LRP12: variants seen among roughly 807,000 people sequenced by gnomAD.
LRP12 encodes the protein low-density lipoprotein receptor-related protein 12.
LRP12 carries 14 observed loss-of-function variants against 66.0 expected under a neutral mutation model. The observed-to-expected ratio is 0.21, with a 90% CI of 0.14 to 0.33. LRP12 has a LOEUF of 0.33. LRP12 is among the 10% of genes least tolerant of loss of function. The pLI is 1.00. For missense variants in LRP12, 889 were observed against 1,053.4 expected, an observed-to-expected ratio of 0.84 and a Z score of 2.16; for synonymous variants, 357 against 359.1, an observed-to-expected ratio of 0.99 and a Z score of 0.07.
chr8:104,517,442 T>C (rs1269535617), intron 2 of LRP12, among the ~76,000 whole-genome samples: 2 of 151,990 alleles, frequency 1.3e-5, no homozygotes, highest in South Asian at 4.2e-4. Context: ...CCAAATTCTA[T>C]AGACAGCAGT....
At chr8:104,583,774 A>T (rs1315838537) in intron 1 of LRP12, among the ~76,000 whole-genome samples, 1 of 152,232 alleles carries the variant, frequency 6.6e-6, no homozygotes, top group African/African-American at 2.4e-5. Flanking sequence ...TCCATAAAAC[A>T]AAAGAAAGAG....
chr8:104,501,589 A>C (rs540479245), intron 3 of LRP12, among the ~76,000 whole-genome samples: 1 of 151,988 alleles, frequency 6.6e-6, no homozygotes, highest in South Asian at 2.1e-4. Context: ...TTGTAGTCCC[A>C]GCTACTCGGG....
intron 2 of LRP12, among the ~76,000 whole-genome samples, chr8:104,509,894 T>A (rs1245174005): frequency 6.6e-6 from 1 of 152,144 alleles, no homozygotes; most frequent in East Asian, 1.9e-4. Flanking sequence ...GCAATCAGGT[T>A]TGGTACTCTG....
chr8:104,496,821 T>C (rs3018438), intron 5 of LRP12, 151 bp downstream of exon 5: 98,677 of 714,348 alleles, frequency 0.14, 8,439 homozygotes, highest in African/African-American at 0.34. Context: ...GAGTCTCGGG[T>C]TTTTCACGCT....
intron 2 of LRP12, among the ~76,000 whole-genome samples, chr8:104,530,659 T>G (rs1344665639): frequency 6.6e-6 from 1 of 152,170 alleles, no homozygotes; most frequent in African/African-American, 2.4e-5. Flanking sequence ...TTTAAAAGTT[T>G]ATAATGGGTC....
rs1326497380 is a variant in LRP12 at position 104,517,420 on chromosome 8, GAATTT to G, written c.137-8351_137-8347del. 2.0e-5 allele frequency among the ~76,000 whole-genome samples: 3 copies of G among 151,816 alleles called. No homozygotes were observed. In the East Asian group the frequency reaches 5.8e-4, roughly 29 times the overall value. ...AAAGCATACTCTAAACTAGTTAAAA[GAATTT>G]AATGACCCAAATTCTATAGACAGCA... On this transcript the variant is annotated intron_variant, in intron 2 of 6. Transcript: ENST00000276654.
chr8:104,556,535 C>T (rs1398111407), intron 1 of LRP12, among the ~76,000 whole-genome samples: 2 of 152,012 alleles, frequency 1.3e-5, no homozygotes, highest in African/African-American at 4.8e-5. Flanking sequence ...AATGAGAAAA[C>T]CTAGAGAAGA....
In LRP12 at chr8:104,588,813, A is replaced by G. The variant is rs1227799191; in HGVS notation, c.79+6T>C. 1.2e-6 allele frequency: 2 copies of G among 1,611,808 alleles called. No homozygotes were observed. Among genetic ancestry groups the G allele is most frequent in the Middle Eastern group, 1.7e-4 (1 of 6,056 alleles). ...GTCAGCGGGGCGCGGGGACGCGGAC[A>G]CTTACCGTACACCCCAGCGAGGAAA... On this transcript the variant is annotated splice_donor_region_variant and intron_variant, in intron 1 of 6. Coordinates refer to ENST00000276654, the MANE Select transcript of LRP12 (RefSeq NM_013437.5).
chr8:104,528,141 G>A (rs1275344434), intron 2 of LRP12, among the ~76,000 whole-genome samples: 2 of 152,136 alleles, frequency 1.3e-5, no homozygotes, highest in Non-Finnish European at 2.9e-5. Context: ...AACACTAGGT[G>A]CAGACAATTA....
At chr8:104,491,590 T>TAA (rs34073040) in intron 6 of LRP12, 51 bp from the exon 7 acceptor site, 167,425 of 806,268 alleles carry the variant, frequency 0.21, 3,099 homozygotes, top group Non-Finnish European at 0.23. Context: ...GGTACTAAGA[T>TAA]AAAAAAAAAA....
At chr8:104,530,362 T>A (rs148719834) in intron 2 of LRP12, among the ~76,000 whole-genome samples, 1 of 152,200 alleles carries the variant, frequency 6.6e-6, no homozygotes, top group East Asian at 1.9e-4. Flanking sequence ...AATGAGGTCA[T>A]AAGGATGGGA....
intron 1 of LRP12, among the ~76,000 whole-genome samples, chr8:104,587,672 GTAGA>G (rs1210599213): frequency 1.3e-5 from 2 of 152,102 alleles, no homozygotes; most frequent in Admixed American, 1.3e-4. Flanking sequence ...ATTCAATTCC[GTAGA>G]TAAATGCCTT....
At chr8:104,587,707 G>C (rs1812355706) in intron 1 of LRP12, among the ~76,000 whole-genome samples, 1 of 152,170 alleles carries the variant, frequency 6.6e-6, no homozygotes, top group Admixed American at 6.5e-5. Context: ...AACACTTGCT[G>C]ACAAATTGGC....
intron 3 of LRP12, chr8:104,505,006 T>G (rs930359864): frequency 3.3e-5 from 5 of 152,162 alleles, no homozygotes; most frequent in Non-Finnish European, 7.3e-5. Context: ...AACTAACCTT[T>G]TCTATCTCGT....
Position 104,497,477 on chromosome 8 carries a change from C to T in LRP12, c.1075G>A (p.Val359Met). 6.2e-7 allele frequency: 1 copy of T among 1,614,156 alleles called. No homozygotes were observed. The highest frequency in any genetic ancestry group is 8.5e-7 in the Non-Finnish European group (1 of 1,180,030). ...QIRVHFCADK[V>M]NAARGFNATY... ...GCATTAAATCCCCTTGCAGCATTCA[C>T]TTTATCAGCACAAAAATGTACCCTT... The change falls in exon 5 of 7, where the codon GTG (valine) becomes ATG (methionine). Residue 359 changes from valine to methionine, a missense_variant. Val to Met is a conservative substitution (Grantham distance 21). Around this residue, in one of 3 missense-constraint regions of LRP12, gnomAD observed 800 missense variants for 964.5 expected, o/e 0.83. Coordinates refer to ENST00000276654, the MANE Select transcript of LRP12 (RefSeq NM_013437.5). This position sits in a 1 kb window ranked among gnomAD's most constrained non-coding sequence, Gnocchi z 4.3.
intron 2 of LRP12, 26 bp from the exon 3 acceptor site, chr8:104,509,100 C>T (rs1564131870): frequency 2.5e-6 from 4 of 1,606,452 alleles, no homozygotes; most frequent in East Asian, 2.2e-5. Context: ...AGCAATCTTT[C>T]CTTATTATTA....
chr8:104,581,849 A>AC (rs1008976644), intron 1 of LRP12, among the ~76,000 whole-genome samples: 1 of 152,168 alleles, frequency 6.6e-6, no homozygotes, highest in African/African-American at 2.4e-5. Context: ...AATAATACCT[A>AC]CCTCACACAA....
At chr8:104,548,362 T>C (rs1462404651) in intron 1 of LRP12, among the ~76,000 whole-genome samples, 1 of 52,276 alleles carries the variant, frequency 1.9e-5, no homozygotes, top group Non-Finnish European at 2.9e-5. Flanking sequence ...TAATATATAT[T>C]ATATAAATAT....
chr8:104,551,002 G>A (rs998390581), intron 1 of LRP12, among the ~76,000 whole-genome samples: 5 of 152,034 alleles, frequency 3.3e-5, no homozygotes, highest in African/African-American at 9.7e-5. Flanking sequence ...TTCCTTCCAT[G>A]TGTTAAGAGT....
Sources: gnomAD v4.1 joint callset for allele counts (sites outside exome capture counted in the v4.1 genomes callset) on GRCh38, gnomAD v4.1.1 for gene constraint, gnomAD v4.1.1 regional missense constraint, Gnocchi (gnomAD v3.1) non-coding constraint, MANE v1.5 for transcripts, NCBI Gene and HGNC (gene_info 2026-07-23, HGNC 2026-07-21) for gene names.